RGS7: variants seen among roughly 807,000 people sequenced by gnomAD.
RGS7 encodes the protein regulator of G protein signaling 7, also known as regulator of G-protein signaling 7.
RGS7 carries 27 observed loss-of-function variants against 81.1 expected under a neutral mutation model. The ratio of observed to expected loss-of-function variants is 0.33; its 90% confidence interval spans 0.25 to 0.46. The LOEUF is 0.46. Among genes scored for constraint, RGS7 ranks in the 20% least tolerant of loss-of-function variants. The probability of loss-of-function intolerance (pLI) is 1.00; values close to 1 mark genes in which losing one functional copy is unlikely to be tolerated. For missense variants in RGS7, 396 were observed against 607.4 expected (o/e 0.65, Z 3.66); for synonymous variants, 208 against 207.7 (o/e 1.00, Z -0.01).
At chr1:241,018,481 A>T (rs2059379444) in intron 3 of RGS7, among the ~76,000 whole-genome samples, 1 of 151,936 alleles carries the variant, frequency 6.6e-6, no homozygotes, top group African/African-American at 2.4e-5. Flanking sequence ...GAGGCTTTAA[A>T]TTCCTCTAGT....
intron 9 of RGS7, among the ~76,000 whole-genome samples, chr1:240,844,207 A>G (rs1658638011): frequency 1.3e-5 from 2 of 152,126 alleles, no homozygotes; most frequent in Non-Finnish European, 2.9e-5. Flanking sequence ...CTACTGGCAA[A>G]CAGAAATTCA....
At chr1:241,172,021 A>G (rs1367250457) in intron 2 of RGS7, among the ~76,000 whole-genome samples, 1 of 152,226 alleles carries the variant, frequency 6.6e-6, no homozygotes, top group Admixed American at 6.5e-5. Context: ...TACTTTCACA[A>G]TTTAATAAAT....
Position 240,868,114 on chromosome 1 carries a change from AAAGG to A in RGS7, c.609+469_609+472del, listed in dbSNP as rs749795940. On this transcript the variant is annotated intron_variant, in intron 9 of 18. Transcript: ENST00000440928. The surrounding 1 kb of genome is among the most constrained non-coding windows in gnomAD (Gnocchi z 5.1). Reference sequence around the variant, plus strand: ...AAAGAAAAGAAAAAGAAAGAAAAGAAAAGGAAAGAAAGAAAGAAAGAAAGAAAGA... The same window carrying A: ...AAAGAAAAGAAAAAGAAAGAAAAGAAAAAGAAAGAAAGAAAGAAAGAAAGA... 1.0e-5 allele frequency among the ~76,000 whole-genome samples: 1 copy of A among 98,218 alleles called. No individual in the cohort carries two copies. The highest frequency in any genetic ancestry group is 1.2e-4 in the Admixed American group (1 of 8,614). The allele number at this position is 98,218 out of a possible 152,430, so 64.4% of individuals were successfully genotyped here. A position where few individuals can be genotyped will look rare whatever the true frequency, so the allele number is the denominator to read the frequency against.
At chr1:241,046,304 C>CA (rs1553399815) in intron 3 of RGS7, among the ~76,000 whole-genome samples, 9 of 8,606 alleles carry the variant, frequency 1.0e-3, no homozygotes, top group South Asian at 0.025. Context: ...CAGCCCTGAC[C>CA]CCCCCCCCCT....
intron 2 of RGS7, among the ~76,000 whole-genome samples, chr1:241,307,074 T>C (rs1558298841): frequency 2.0e-5 from 3 of 152,238 alleles, no homozygotes; most frequent in Admixed American, 2.0e-4. Context: ...AAAGATTCTA[T>C]TGTATTTCCC....
chr1:241,328,650 G>T (rs2081765821), intron 2 of RGS7, among the ~76,000 whole-genome samples: 1 of 152,200 alleles, frequency 6.6e-6, no homozygotes, highest in Non-Finnish European at 1.5e-5. Flanking sequence ...CTGTTTTGGT[G>T]ACTGACAGCT....
intron 2 of RGS7, among the ~76,000 whole-genome samples, chr1:241,135,243 G>A (rs578193106): frequency 1.8e-4 from 28 of 152,202 alleles, no homozygotes; most frequent in African/African-American, 4.6e-4. Flanking sequence ...TGGCTAACAC[G>A]GTGAAACCCT....
chr1:240,980,606 A>G (rs1475359643), intron 4 of RGS7, among the ~76,000 whole-genome samples: 5 of 152,220 alleles, frequency 3.3e-5, no homozygotes, highest in Non-Finnish European at 7.3e-5. Context: ...GGTTTCATAT[A>G]GGCAGCCACC....
intron 4 of RGS7, among the ~76,000 whole-genome samples, chr1:240,943,821 A>G (rs984188449): frequency 5.9e-5 from 9 of 152,156 alleles, no homozygotes; most frequent in Non-Finnish European, 1.2e-4. Flanking sequence ...TGCCTGCTTT[A>G]GAGGAGGACT....
At chr1:241,330,521 G>A (rs2081915221) in intron 2 of RGS7, among the ~76,000 whole-genome samples, 1 of 152,216 alleles carries the variant, frequency 6.6e-6, no homozygotes, top group South Asian at 2.1e-4. Flanking sequence ...CCCTTTGACT[G>A]CAAGCTCAGT....
Position 240,958,391 on chromosome 1 carries a change from AG to A in RGS7, c.227-21686del, listed in dbSNP as rs139602677. 8.4e-3 allele frequency among the ~76,000 whole-genome samples: 1,275 copies of A among 152,316 alleles called. 24 individuals carry two copies. The highest frequency in any genetic ancestry group is 0.029 in the African/African-American group (1,212 of 41,578). On this transcript the variant is annotated intron_variant, in intron 4 of 18. Coordinates refer to ENST00000440928, the MANE Select transcript of RGS7 (RefSeq NM_001364886.1). The stretch of plus-strand genomic sequence containing the variant: ...CTGGAGACTAGATTGAAAGGTAGCA[AG>A]GCTGGAGGCTCTTTGCGGAAGTAAC...
chr1:240,998,818 C>A (rs1178863527), intron 3 of RGS7: 3 of 604,958 alleles, frequency 5.0e-6, no homozygotes, highest in Non-Finnish European at 9.4e-6. Flanking sequence ...GTGGGGCTGG[C>A]GCTGCCGGAC....
At chr1:241,307,225 C>G (rs940690426) in intron 2 of RGS7, among the ~76,000 whole-genome samples, 2 of 152,060 alleles carry the variant, frequency 1.3e-5, no homozygotes, top group Admixed American at 1.3e-4. Context: ...TATGAGTGGG[C>G]CCTGAAAATG....
intron 18 of RGS7, among the ~76,000 whole-genome samples, chr1:240,784,188 GA>G (rs35249246): frequency 0.17 from 24,464 of 145,468 alleles, 2,519 homozygotes; most frequent in African/African-American, 0.31. Context: ...ACTCTGTCTC[GA>G]AAAAAAAACA....
chr1:241,167,542 C>T (rs1009317652), intron 2 of RGS7, among the ~76,000 whole-genome samples: 4 of 150,652 alleles, frequency 2.7e-5, no homozygotes, highest in Non-Finnish European at 5.9e-5. Context: ...TTTCTTGAGA[C>T]GAGTCTCGCC....
intron 6 of RGS7, among the ~76,000 whole-genome samples, chr1:240,897,786 G>T (rs945360975): frequency 1.3e-5 from 2 of 152,110 alleles, no homozygotes; most frequent in Non-Finnish European, 2.9e-5. Context: ...TCAGGATGAC[G>T]CTGGCCTCAT....
chr1:241,320,161 T>C (rs2081127340), intron 2 of RGS7, among the ~76,000 whole-genome samples: 1 of 152,224 alleles, frequency 6.6e-6, no homozygotes, highest in Non-Finnish European at 1.5e-5. Flanking sequence ...CCAGCCATGC[T>C]GAATTACTTG....
chr1:240,900,334 C>A (rs566515427), intron 6 of RGS7, among the ~76,000 whole-genome samples: 2 of 152,170 alleles, frequency 1.3e-5, no homozygotes, highest in Admixed American at 1.3e-4. Flanking sequence ...CCGTTGCTGG[C>A]GAGGAGCTGC....
At chr1:240,904,441 G>C (rs1271071396) in intron 6 of RGS7, among the ~76,000 whole-genome samples, 5 of 152,136 alleles carry the variant, frequency 3.3e-5, no homozygotes, top group African/African-American at 1.2e-4. Context: ...TGTAATTTTG[G>C]AGTAAGTTTA....
Sources: gnomAD v4.1 joint callset for allele counts (sites outside exome capture counted in the v4.1 genomes callset) on GRCh38, gnomAD v4.1.1 for gene constraint, Gnocchi (gnomAD v3.1) non-coding constraint, MANE v1.5 for transcripts, NCBI Gene and HGNC (gene_info 2026-07-23, HGNC 2026-07-21) for gene names.